Variants in PTBP3 observed in about 807,000 individuals in gnomAD.
PTBP3 encodes the protein polypyrimidine tract binding protein 3, also known as polypyrimidine tract-binding protein 3.
PTBP3 carries 20 observed loss-of-function variants against 58.7 expected under a neutral mutation model. The ratio of observed to expected loss-of-function variants is 0.34; its 90% CI spans 0.24 to 0.50. PTBP3 has a LOEUF of 0.50. Ranked by LOEUF, PTBP3 falls within the 20% of genes least tolerant of loss-of-function variation. PTBP3 has a pLI of 0.98. For missense variants in PTBP3, 509 were observed against 637.2 expected (o/e 0.80, Z 2.17); for synonymous variants, 185 against 219.8 (o/e 0.84, Z 1.40).
intron 7 of PTBP3, among the ~76,000 whole-genome samples, chr9:112,237,877 A>G (rs1446724551): frequency 6.6e-6 from 1 of 152,248 alleles, no homozygotes; most frequent in Non-Finnish European, 1.5e-5. Context: ...TCCCCTGAAA[A>G]GTTCTAACCA....
chr9:112,307,197 A>G (rs1283562509), intron 1 of PTBP3, among the ~76,000 whole-genome samples: 1 of 152,176 alleles, frequency 6.6e-6, no homozygotes, highest in African/African-American at 2.4e-5. Flanking sequence ...TCACGCCTGT[A>G]ATCCCAGCAC....
the PTBP3 span, among the ~76,000 whole-genome samples, chr9:112,363,518 AC>A: frequency 1.7e-4 from 4 of 23,610 alleles, no homozygotes; most frequent in Non-Finnish European, 4.1e-4. Context: ...CAAAACTGTC[AC>A]ACACACACAC....
At chr9:112,313,654 A>G (rs776614058) in intron 1 of PTBP3, among the ~76,000 whole-genome samples, 1 of 152,172 alleles carries the variant, frequency 6.6e-6, no homozygotes, top group African/African-American at 2.4e-5. Context: ...CAGTTTGTAC[A>G]TGGGCCTGTC....
At chr9:112,366,641 T>C in the PTBP3 span, among the ~76,000 whole-genome samples, 1 of 152,206 alleles carries the variant, frequency 6.6e-6, no homozygotes, top group Non-Finnish European at 1.5e-5. Context: ...GTAGAAATGC[T>C]TGGATGCCCA....
intron 1 of PTBP3, among the ~76,000 whole-genome samples, chr9:112,303,850 T>A (rs1829052880): frequency 7.8e-6 from 1 of 129,030 alleles, no homozygotes; most frequent in Non-Finnish European, 1.6e-5. Context: ...GGCGACAGAG[T>A]GAGACTCCGT....
chr9:112,255,432 A>G (rs1836306374), intron 5 of PTBP3, among the ~76,000 whole-genome samples: 1 of 152,210 alleles, frequency 6.6e-6, no homozygotes, highest in Admixed American at 6.5e-5. Flanking sequence ...TGTATGTATT[A>G]TACATGCAGC....
the PTBP3 span, among the ~76,000 whole-genome samples, chr9:112,374,093 A>G: frequency 6.6e-6 from 1 of 152,142 alleles, no homozygotes; most frequent in Non-Finnish European, 1.5e-5. Flanking sequence ...ACCACGGGGT[A>G]TGGTAACACT....
At chr9:112,321,526 CTGA>C (rs1181266721) in intron 1 of PTBP3, among the ~76,000 whole-genome samples, 1 of 34,094 alleles carries the variant, frequency 2.9e-5, no homozygotes, top group Non-Finnish European at 4.8e-5. Context: ...GAGACGTAGT[CTGA>C]AAAAAAAAAA....
At chr9:112,358,553 T>C in the PTBP3 span, among the ~76,000 whole-genome samples, 17 of 152,224 alleles carry the variant, frequency 1.1e-4, no homozygotes, top group African/African-American at 4.1e-4. Context: ...TCTAGAAATG[T>C]ATTCTATGGA....
chr9:112,357,331 G>GTGT, the PTBP3 span, among the ~76,000 whole-genome samples: 7 of 151,838 alleles, frequency 4.6e-5, no homozygotes, highest in South Asian at 6.2e-4. Context: ...TGTTCTTTTT[G>GTGT]TGTTGTTGTT....
chr9:112,314,995 C>A (rs1018890142), intron 1 of PTBP3, among the ~76,000 whole-genome samples: 1 of 152,052 alleles, frequency 6.6e-6, no homozygotes, highest in Non-Finnish European at 1.5e-5. Flanking sequence ...CCATGCCCGG[C>A]TAATTTTTTG....
intron 2 of PTBP3, among the ~76,000 whole-genome samples, chr9:112,290,702 A>ACG (rs1200535353): frequency 8.7e-6 from 1 of 114,812 alleles, no homozygotes; most frequent in Non-Finnish European, 1.7e-5. Context: ...ATATATATAT[A>ACG]TATATACACA....
At chr9:112,268,632 A>C (rs1827220487) in intron 3 of PTBP3, among the ~76,000 whole-genome samples, 1 of 151,042 alleles carries the variant, frequency 6.6e-6, no homozygotes, top group African/African-American at 2.4e-5. Flanking sequence ...GGACTGCTCA[A>C]GCCTGGGAGG....
At chr9:112,319,694 GAGTC>G (rs1394290208) in intron 1 of PTBP3, among the ~76,000 whole-genome samples, 1 of 132,600 alleles carries the variant, frequency 7.5e-6, no homozygotes, top group East Asian at 2.1e-4. Flanking sequence ...AGAGGAAATG[GAGTC>G]AGTATGTTGA....
chr9:112,346,606 A>G, the PTBP3 span, among the ~76,000 whole-genome samples: 2 of 152,270 alleles, frequency 1.3e-5, no homozygotes, highest in Admixed American at 1.3e-4. Context: ...TACAAATTAA[A>G]GGGAAAACTT....
At chr9:112,339,513 T>TTTTTTTTCTTTTCAC in the PTBP3 span, among the ~76,000 whole-genome samples, 1 of 151,574 alleles carries the variant, frequency 6.6e-6, no homozygotes, top group Non-Finnish European at 1.5e-5. Flanking sequence ...ATTGTTGTTA[T>TTTTTTTTCTTTTCAC]TTTTTTTCTT....
At chr9:112,364,117 T>C in the PTBP3 span, among the ~76,000 whole-genome samples, 36,309 of 150,838 alleles carry the variant, frequency 0.24, 4,790 homozygotes, top group East Asian at 0.35. Context: ...GACTGGCTTC[T>C]TTCGCTTAGT....
rs1834870675 is a variant in PTBP3, at chr9:112,223,471, T to C, written c.*380A>G. On this transcript the variant is annotated 3_prime_UTR_variant, in exon 14 of 14. Coordinates refer to ENST00000374257, the MANE Select transcript of PTBP3 (RefSeq NM_001163788.4). ...TCAAGTAATTTTAGAAGTCTGTGTT[T>C]AAATTTTTTAAAAGTACAAATGAGT... 1.1e-6 allele frequency: 1 copy of C among 914,154 alleles called. No homozygotes were observed. The highest frequency in any genetic ancestry group is 4.8e-5 in the South Asian group (1 of 20,766). 56.6% of individuals were successfully genotyped at this position (914,154 alleles called of 1,614,324 possible). A position where few individuals can be genotyped will look rare whatever the true frequency, so the allele number is the denominator to read the frequency against.
At chr9:112,342,945 A>G in the PTBP3 span, among the ~76,000 whole-genome samples, 6 of 152,140 alleles carry the variant, frequency 3.9e-5, no homozygotes, top group Non-Finnish European at 7.3e-5. Flanking sequence ...CTCCCACTTC[A>G]GTCTCCTGAG....
Sources: gnomAD v4.1 joint callset for allele counts (sites outside exome capture counted in the v4.1 genomes callset) on GRCh38, gnomAD v4.1.1 for gene constraint, MANE v1.5 for transcripts, NCBI Gene and HGNC (gene_info 2026-07-23, HGNC 2026-07-21) for gene names.